ZNF652: variants seen among roughly 807,000 people sequenced by gnomAD.
The protein encoded by ZNF652 is zinc finger protein 652.
In ZNF652, 16 loss-of-function variants were observed where a neutral mutation model predicts 45.2. The observed-to-expected ratio is 0.35, with a 90% CI of 0.24 to 0.54. The LOEUF is 0.54. Among genes scored for constraint, ZNF652 ranks in the 20% least tolerant of loss-of-function variants. The probability of loss-of-function intolerance (pLI) is 0.91; values close to 1 mark genes in which losing one functional copy is unlikely to be tolerated. For synonymous variants in ZNF652, 250 were observed against 260.6 expected (o/e 0.96, Z 0.39); for missense variants, 614 against 765.6 (o/e 0.80, Z 2.34).
intron 1 of ZNF652, among the ~76,000 whole-genome samples, chr17:49,331,869 T>C (rs1011086394): frequency 8.5e-5 from 13 of 152,342 alleles, no homozygotes; most frequent in Admixed American, 1.3e-4. Context: ...TTTGGGAGGC[T>C]GAGGCAGGAG....
Position 49,298,552 on chromosome 17 carries a change from T to C in ZNF652, c.1682A>G (p.His561Arg). ...HIHPHPHHPHHLPIPPVPHLP... is the reference protein window; with the variant it reads ...HIHPHPHHPHRLPIPPVPHLP... ...GTGAGGGACTGGAGGGATGGGAAGG[T>C]GGTGTGGGTGGTGAGGGTGTGGGTG... The change falls in exon 6 of 6, where the codon CAC becomes CGC. Residue 561 changes from histidine to arginine, a missense_variant. His to Arg is a conservative substitution (Grantham distance 29). Transcript: ENST00000430262. 1.3e-6 allele frequency: 2 copies of C among 1,596,264 alleles called. No homozygotes were observed. Among genetic ancestry groups the C allele is most frequent in the Non-Finnish European group, 1.7e-6 (2 of 1,174,242 alleles).
At chr17:49,337,239 G>A (rs1317561740) in intron 1 of ZNF652, among the ~76,000 whole-genome samples, 12 of 150,852 alleles carry the variant, frequency 8.0e-5, no homozygotes, top group Admixed American at 7.9e-4. Flanking sequence ...AAGAGGCTGA[G>A]GTGGGAGGAT....
At chr17:49,325,654 C>CA (rs199515200) in intron 1 of ZNF652, among the ~76,000 whole-genome samples, 1,468 of 133,168 alleles carry the variant, frequency 0.011, 13 homozygotes, top group Middle Eastern at 0.023. Context: ...CTCGTCTCTA[C>CA]AAAAAAAAAA....
Position 49,312,688 on chromosome 17 carries a change from A to T in ZNF652, c.1048+10T>A, listed in dbSNP as rs760855299. The T allele has an allele frequency of 6.2e-7, 1 of 1,611,626 alleles. No individual in the cohort carries two copies. Among genetic ancestry groups the T allele is most frequent in the African/African-American group, 1.3e-5 (1 of 74,690 alleles). On this transcript the variant is annotated intron_variant, in intron 3 of 5. Transcript: ENST00000430262. ...AATTATAGGTATAAGAGAAAAGCAG[A>T]AAAACTTACCAACCATGTGTTTCCG...
rs2069826914 is a variant in ZNF652 at position 49,317,574 on chromosome 17, T to C, written c.152A>G (p.Tyr51Cys). 6.2e-7 allele frequency: 1 copy of C among 1,614,048 alleles called. No homozygotes were observed. Among genetic ancestry groups the C allele is most frequent in the African/African-American group, 1.3e-5 (1 of 74,912 alleles). ...ATAAGGACTTCCTGATTCCCTTTTGTACACTTTGGTGGACAGGTCAAGTTC... is the reference window on the plus strand; with the variant it reads ...ATAAGGACTTCCTGATTCCCTTTTGCACACTTTGGTGGACAGGTCAAGTTC... ...NQELDLSTKVYKRESGSPYSV... is the reference protein window; with the variant it reads ...NQELDLSTKVCKRESGSPYSV... Residue 51 changes from tyrosine to cysteine, a missense_variant, in exon 2 of 6, where the codon TAC becomes TGC. This residue lies in a region of ZNF652 where 133 missense variants were observed against 132.2 expected (regional missense o/e 1.01). Coordinates refer to ENST00000430262, the MANE Select transcript of ZNF652 (RefSeq NM_001145365.3).
At chr17:49,302,535 G>A (rs886555165) in intron 5 of ZNF652, among the ~76,000 whole-genome samples, 1 of 151,892 alleles carries the variant, frequency 6.6e-6, no homozygotes, top group South Asian at 2.1e-4. Flanking sequence ...TAATCTGCCC[G>A]CCTCGGCCTC....
At chr17:49,342,270 CT>C (rs1263901039) in intron 1 of ZNF652, among the ~76,000 whole-genome samples, 2 of 151,700 alleles carry the variant, frequency 1.3e-5, no homozygotes, top group Non-Finnish European at 2.9e-5. Context: ...TTGAGATAAG[CT>C]TTCTATAAAC....
At chr17:49,339,197 A>ATTTTTT (rs34574898) in intron 1 of ZNF652, among the ~76,000 whole-genome samples, 5 of 119,530 alleles carry the variant, frequency 4.2e-5, no homozygotes, top group African/African-American at 9.7e-5. Context: ...GAGTTAGGAA[A>ATTTTTT]TTTTTTTTTT....
rs775587690 is a variant in ZNF652, at chr17:49,312,851, C to T, written c.901-6G>A. 51 of 1,611,188 alleles carry T rather than the reference C, an allele frequency of 3.2e-5. No homozygotes were observed. Among genetic ancestry groups the T allele is most frequent in the Non-Finnish European group, 4.2e-5 (50 of 1,179,102 alleles). On this transcript the variant is annotated splice_polypyrimidine_tract_variant and splice_region_variant and intron_variant, in intron 2 of 5. Transcript: ENST00000430262. ...GATTTGTTACAGGAAACACACTGAGCAGGATAAATAGAAATAATATTTATA... is the reference window on the plus strand; with the variant it reads ...GATTTGTTACAGGAAACACACTGAGTAGGATAAATAGAAATAATATTTATA...
At chr17:49,303,250 T>TTTTTTTTTTTTC (rs2069579614) in intron 5 of ZNF652, among the ~76,000 whole-genome samples, 1 of 145,180 alleles carries the variant, frequency 6.9e-6, no homozygotes, top group African/African-American at 2.6e-5. Flanking sequence ...CGCTTATCTT[T>TTTTTTTTTTTTC]TTTTTTTTGA....
intron 5 of ZNF652, among the ~76,000 whole-genome samples, chr17:49,308,514 T>G (rs984652012): frequency 6.6e-6 from 1 of 152,084 alleles, no homozygotes; most frequent in South Asian, 2.1e-4. Context: ...AGATAAAAAT[T>G]TGGGGGACTG....
intron 1 of ZNF652, among the ~76,000 whole-genome samples, chr17:49,352,812 C>T (rs2070296122): frequency 6.6e-6 from 1 of 152,166 alleles, no homozygotes; most frequent in Non-Finnish European, 1.5e-5. Context: ...AAGGAACAAA[C>T]TGTTGATAAA....
At chr17:49,321,814 A>G (rs1167009685) in intron 1 of ZNF652, among the ~76,000 whole-genome samples, 1 of 152,234 alleles carries the variant, frequency 6.6e-6, no homozygotes, top group African/African-American at 2.4e-5. Context: ...GCTATCGCAG[A>G]AGGTAGATAT....
chr17:49,352,392 G>A (rs149684761), intron 1 of ZNF652, among the ~76,000 whole-genome samples: 1 of 152,138 alleles, frequency 6.6e-6, no homozygotes, highest in East Asian at 1.9e-4. Flanking sequence ...GTTCAGAAAA[G>A]TTAAATGGCT....
intron 1 of ZNF652, chr17:49,361,210 A>T (rs2070388963): frequency 6.6e-6 from 1 of 152,268 alleles, no homozygotes. Flanking sequence ...AATCCTGAAG[A>T]CAGACTTCGA....
chr17:49,302,558 G>A (rs2143716389), intron 5 of ZNF652, among the ~76,000 whole-genome samples: 1 of 152,072 alleles, frequency 6.6e-6, no homozygotes. Flanking sequence ...AAAGTATTGG[G>A]ATTACAGGCA....
chr17:49,298,736 C>T lies in ZNF652; in HGVS notation c.1498G>A (p.Val500Met). ...KCFRVTSPVN[V>M]PPAVQIPLTT... ...AGTGGGATCTGGACAGCAGGTGGCA[C>T]ATTCACGGGGCTGGTCACCCGAAAG... The change falls in exon 6 of 6, where the codon GTG (valine) becomes ATG (methionine). Residue 500 changes from valine to methionine, a missense_variant. Val to Met is a conservative substitution (Grantham distance 21). Transcript: ENST00000430262. 3 of 1,614,062 alleles carry T rather than the reference C, an allele frequency of 1.9e-6. No individual in the cohort carries two copies. Among genetic ancestry groups the T allele is most frequent in the Non-Finnish European group, 2.5e-6 (3 of 1,180,018 alleles).
intron 1 of ZNF652, among the ~76,000 whole-genome samples, chr17:49,321,052 T>C (rs2143817161): frequency 6.6e-6 from 1 of 152,048 alleles, no homozygotes; most frequent in African/African-American, 2.4e-5. Context: ...CAACTTCTAT[T>C]CCCTGTAGTT....
chr17:49,333,891 G>A (rs1263182002), intron 1 of ZNF652, among the ~76,000 whole-genome samples: 4 of 152,070 alleles, frequency 2.6e-5, no homozygotes, highest in Non-Finnish European at 4.4e-5. Context: ...AAGTGTTGGT[G>A]AGGATGTGAA....
Sources: gnomAD v4.1 joint callset for allele counts (sites outside exome capture counted in the v4.1 genomes callset) on GRCh38, gnomAD v4.1.1 for gene constraint, gnomAD v4.1.1 regional missense constraint, MANE v1.5 for transcripts, NCBI Gene and HGNC (gene_info 2026-07-23, HGNC 2026-07-21) for gene names.